Variants in FNDC3B observed in about 807,000 individuals in gnomAD.
FNDC3B encodes the protein fibronectin type III domain containing 3B.
In FNDC3B, 12 loss-of-function variants were observed where a neutral mutation model predicts 151.5. That is an observed-to-expected ratio of 0.08 (90% CI 0.05 to 0.13). The LOEUF is 0.13. Among genes scored for constraint, FNDC3B ranks in the 10% least tolerant of loss-of-function variants. The pLI, the probability that FNDC3B is intolerant of heterozygous loss-of-function variation, is 1.00. For synonymous variants in FNDC3B, 528 were observed against 549.0 expected, an observed-to-expected ratio of 0.96 and a Z score of 0.54; for missense variants, 1,214 against 1,505.3, an observed-to-expected ratio of 0.81 and a Z score of 3.20.
At chr3:172,062,923 T>C (rs1163822333) in intron 1 of FNDC3B, among the ~76,000 whole-genome samples, 1 of 152,126 alleles carries the variant, frequency 6.6e-6, no homozygotes, top group Non-Finnish European at 1.5e-5. Context: ...AAAAAAATAG[T>C]GTCTCTCTTT....
intron 8 of FNDC3B, among the ~76,000 whole-genome samples, chr3:172,298,034 C>T (rs1730729197): frequency 2.0e-5 from 3 of 152,198 alleles, no homozygotes; most frequent in Admixed American, 2.0e-4. Flanking sequence ...CTTTAGTTGT[C>T]ATGTCTCTTT....
chr3:172,152,405 C>G (rs1473579765), intron 3 of FNDC3B, among the ~76,000 whole-genome samples: 1 of 152,168 alleles, frequency 6.6e-6, no homozygotes, highest in Admixed American at 6.5e-5. Flanking sequence ...GAATCAGGAT[C>G]AGAATCAGAC....
intron 23 of FNDC3B, among the ~76,000 whole-genome samples, chr3:172,367,099 C>G (rs1374865625): frequency 6.6e-6 from 1 of 152,140 alleles, no homozygotes; most frequent in Admixed American, 6.6e-5. Flanking sequence ...GATTCTACCC[C>G]CCTGGGATAG....
At chr3:172,284,601 G>A (rs1182181465) in intron 6 of FNDC3B, among the ~76,000 whole-genome samples, 1 of 151,518 alleles carries the variant, frequency 6.6e-6, no homozygotes, top group African/African-American at 2.4e-5. Flanking sequence ...AGGACAAACA[G>A]GTCTGTGCAG....
In FNDC3B at chr3:172,041,479, CTTG is replaced by C. The variant is rs1487864068; in HGVS notation, c.-29+1711_-29+1713del. Among the ~76,000 whole-genome samples the C allele has an allele frequency of 8.2e-5, 10 of 121,388 alleles. No individual in the cohort carries two copies. The South Asian group carries it at 1.3e-3, about 16-fold the overall frequency. The allele number at this position is 121,388 out of a possible 152,430, so 79.6% of individuals were successfully genotyped here. On this transcript the variant is annotated intron_variant, in intron 1 of 25. Coordinates refer to ENST00000415807, the MANE Select transcript of FNDC3B (RefSeq NM_022763.4). The stretch of plus-strand genomic sequence containing the variant: ...TCTTCTCCTCCTCCTCCTTCTTGTT[CTTG>C]TTCTTCTTCTTTTTTTTTTTTTTAA...
intron 6 of FNDC3B, among the ~76,000 whole-genome samples, chr3:172,268,104 T>G (rs1729015153): frequency 6.6e-6 from 1 of 152,216 alleles, no homozygotes; most frequent in African/African-American, 2.4e-5. Context: ...TTGCCTAAAT[T>G]GAAAAGACAT....
chr3:172,385,296 C>T (rs796288041), intron 25 of FNDC3B, among the ~76,000 whole-genome samples: 26 of 152,268 alleles, frequency 1.7e-4, no homozygotes, highest in African/African-American at 5.1e-4. Context: ...TCCACCACAG[C>T]GGAGCTACAG....
At chr3:172,072,161 C>G (rs1201212579) in intron 1 of FNDC3B, among the ~76,000 whole-genome samples, 2 of 146,130 alleles carry the variant, frequency 1.4e-5, no homozygotes, top group African/African-American at 5.1e-5. Context: ...TGCGTATGCC[C>G]ATTAGTCACA....
intron 1 of FNDC3B, among the ~76,000 whole-genome samples, chr3:172,052,226 T>A (rs1716696138): frequency 6.9e-6 from 1 of 144,022 alleles, no homozygotes; most frequent in South Asian, 2.2e-4. Context: ...AATGCCACTA[T>A]GCCCAGATAA....
chr3:172,056,211 C>CT (rs112672220), intron 1 of FNDC3B, among the ~76,000 whole-genome samples: 65 of 149,738 alleles, frequency 4.3e-4, no homozygotes, highest in African/African-American at 8.8e-4. Context: ...TAATGAAGGA[C>CT]TTTTTTTTTT....
intron 1 of FNDC3B, among the ~76,000 whole-genome samples, chr3:172,064,319 T>G (rs892158588): frequency 6.6e-6 from 1 of 152,174 alleles, no homozygotes; most frequent in African/African-American, 2.4e-5. Flanking sequence ...GAAATGAATT[T>G]CTGTTGTTTG....
At chr3:172,185,921 C>T (rs1278441106) in intron 3 of FNDC3B, among the ~76,000 whole-genome samples, 1 of 152,182 alleles carries the variant, frequency 6.6e-6, no homozygotes, top group Non-Finnish European at 1.5e-5. Context: ...GGAGCTGTCA[C>T]TGATTTAGGG....
At chr3:172,168,531 G>A (rs759333203) in intron 3 of FNDC3B, among the ~76,000 whole-genome samples, 17 of 152,008 alleles carry the variant, frequency 1.1e-4, no homozygotes, top group Non-Finnish European at 2.1e-4. Context: ...TTCTATGAGC[G>A]GTTGTTAAAC....
chr3:172,358,895 G>A (rs1408436810), intron 22 of FNDC3B, among the ~76,000 whole-genome samples: 2 of 147,956 alleles, frequency 1.4e-5, no homozygotes, highest in African/African-American at 2.5e-5. Context: ...CCAAATTGAT[G>A]AGCAGGATTC....
At chr3:172,158,254 A>G (rs1722593008) in intron 3 of FNDC3B, among the ~76,000 whole-genome samples, 1 of 152,242 alleles carries the variant, frequency 6.6e-6, no homozygotes, top group South Asian at 2.1e-4. Context: ...GTTTCGTTTT[A>G]TAAGAAACTG....
chr3:172,206,385 G>C (rs555002045), intron 3 of FNDC3B, among the ~76,000 whole-genome samples: 2 of 152,082 alleles, frequency 1.3e-5, no homozygotes, highest in African/African-American at 4.8e-5. Context: ...AAGGCCAGGC[G>C]CGGTGGCTTA....
intron 3 of FNDC3B, among the ~76,000 whole-genome samples, chr3:172,225,121 TTTG>T (rs1278749235): frequency 5.3e-5 from 8 of 152,174 alleles, no homozygotes; most frequent in African/African-American, 1.9e-4. Flanking sequence ...TTGAATTTAA[TTTG>T]TTGTTGTTCA....
chr3:172,144,519 T>A (rs1721801262), intron 3 of FNDC3B, among the ~76,000 whole-genome samples: 1 of 152,102 alleles, frequency 6.6e-6, no homozygotes, highest in African/African-American at 2.4e-5. Context: ...TTACAGACAT[T>A]TAGGAGATAG....
Position 172,251,291 on chromosome 3 carries a change from C to T in FNDC3B, c.540C>T (p.Tyr180=). 1 of 1,612,970 alleles carries T rather than the reference C, an allele frequency of 6.2e-7. No homozygotes were observed. Among genetic ancestry groups the T allele is most frequent in the South Asian group, 1.1e-5 (1 of 91,046 alleles). ...TACCATTTTATGGAATGTCAACCTA[C>T]ATCACCCGAGAAGACCAGTACAGCA... ...EIIPFYGMST[Y]ITREDQYSKP... The change falls in exon 6 of 26, where the codon TAC becomes TAT. Residue 180 remains tyrosine (Y), a synonymous_variant. Transcript: ENST00000415807.
Sources: gnomAD v4.1 joint callset for allele counts (sites outside exome capture counted in the v4.1 genomes callset) on GRCh38, gnomAD v4.1.1 for gene constraint, MANE v1.5 for transcripts, NCBI Gene and HGNC (gene_info 2026-07-23, HGNC 2026-07-21) for gene names.